The following TAFA5 variants were observed in gnomAD, a reference collection of about 807,000 sequenced individuals.
TAFA5 encodes the protein chemokine-like protein TAFA-5.
Under a neutral mutation model 15.3 loss-of-function variants are expected in TAFA5, and 6 were observed. The observed-to-expected ratio is 0.39, with a 90% confidence interval of 0.21 to 0.77. The LOEUF is 0.77. TAFA5 is among the 30% of genes least tolerant of loss of function. The pLI is 0.41. For missense variants in TAFA5, 161 were observed against 193.1 expected, an observed-to-expected ratio of 0.83 and a Z score of 0.98; for synonymous variants, 103 against 80.7, an observed-to-expected ratio of 1.28 and a Z score of -1.48.
At chr22:48,542,628 T>G (rs1601567246) in intron 1 of TAFA5, among the ~76,000 whole-genome samples, 1 of 73,486 alleles carries the variant, frequency 1.4e-5, no homozygotes, top group African/African-American at 6.1e-5. Flanking sequence ...GTGGTGTGTG[T>G]GGGTGTGTGA....
chr22:48,681,514 G>A (rs130100), intron 2 of TAFA5, among the ~76,000 whole-genome samples: 59,101 of 149,212 alleles, frequency 0.4, 13,017 homozygotes, highest in Non-Finnish European at 0.51. Flanking sequence ...AATTAGGCGT[G>A]GGGGTAGGTG....
chr22:48,692,991 T>C (rs547229521), intron 2 of TAFA5, among the ~76,000 whole-genome samples: 1 of 152,244 alleles, frequency 6.6e-6, no homozygotes, highest in South Asian at 2.1e-4. Context: ...GTGTAAGAAC[T>C]CCGCGAGCCC....
At chr22:48,505,078 G>C (rs1362578948) in intron 1 of TAFA5, among the ~76,000 whole-genome samples, 1 of 152,216 alleles carries the variant, frequency 6.6e-6, no homozygotes, top group African/African-American at 2.4e-5. Flanking sequence ...TCTCTCAGGA[G>C]GGACCTGCTG....
chr22:48,556,169 AGAG>A (rs1227142774), intron 1 of TAFA5, among the ~76,000 whole-genome samples: 3 of 152,184 alleles, frequency 2.0e-5, no homozygotes, highest in African/African-American at 7.2e-5. Context: ...CATCACAGGC[AGAG>A]GAGAAGAATT....
At chr22:48,638,313 C>A (rs1190871268) in intron 1 of TAFA5, among the ~76,000 whole-genome samples, 1 of 116,692 alleles carries the variant, frequency 8.6e-6, no homozygotes, top group Non-Finnish European at 1.8e-5. Flanking sequence ...AGGCAACAAC[C>A]CCCCCCACAC....
chr22:48,537,289 GCT>G (rs908265220), intron 1 of TAFA5, among the ~76,000 whole-genome samples: 14 of 152,204 alleles, frequency 9.2e-5, no homozygotes, highest in Non-Finnish European at 1.6e-4. Flanking sequence ...TGAGGTTCCC[GCT>G]CTGTTCTTGG....
intron 2 of TAFA5, among the ~76,000 whole-genome samples, chr22:48,678,195 G>A (rs1464029239): frequency 6.6e-6 from 1 of 152,162 alleles, no homozygotes; most frequent in Non-Finnish European, 1.5e-5. Context: ...TCTGCTGAGG[G>A]CTTCTGAGGC....
chr22:48,534,813 G>A (rs1922096690), intron 1 of TAFA5, among the ~76,000 whole-genome samples: 1 of 152,154 alleles, frequency 6.6e-6, no homozygotes. Context: ...CAGGGACACG[G>A]GGCTGGGAGC....
chr22:48,590,227 C>T (rs1924514541), intron 1 of TAFA5, among the ~76,000 whole-genome samples: 1 of 152,146 alleles, frequency 6.6e-6, no homozygotes, highest in African/African-American at 2.4e-5. Context: ...GCTGGTTTTC[C>T]CGAGGAGATC....
At chr22:48,625,213 C>G (rs1221281822) in intron 1 of TAFA5, among the ~76,000 whole-genome samples, 1 of 152,166 alleles carries the variant, frequency 6.6e-6, no homozygotes, top group Non-Finnish European at 1.5e-5. Context: ...TCTCAGCCTT[C>G]TTGGCCGACA....
chr22:48,586,075 C>CT (rs1924348761), intron 1 of TAFA5, among the ~76,000 whole-genome samples: 1 of 152,362 alleles, frequency 6.6e-6, no homozygotes, highest in Middle Eastern at 3.4e-3. Context: ...CACCCGGACC[C>CT]TGACCCTGGC....
At chr22:48,499,232 G>A (rs1439844252) in intron 1 of TAFA5, among the ~76,000 whole-genome samples, 5 of 152,144 alleles carry the variant, frequency 3.3e-5, no homozygotes, top group African/African-American at 1.2e-4. Flanking sequence ...CCGTGCTGCC[G>A]ATGGTGATGA....
At chr22:48,561,635 C>T (rs929971121) in intron 1 of TAFA5, among the ~76,000 whole-genome samples, 9 of 152,172 alleles carry the variant, frequency 5.9e-5, no homozygotes, top group Admixed American at 2.0e-4. Flanking sequence ...ACGGTGGCCA[C>T]GGCAACGCCT....
chr22:48,624,201 G>A (rs535578896), intron 1 of TAFA5, among the ~76,000 whole-genome samples: 4 of 152,262 alleles, frequency 2.6e-5, no homozygotes, highest in Admixed American at 6.5e-5. Flanking sequence ...GATTAGAATC[G>A]GGCTGTGGGT....
At chr22:48,684,614 C>T (rs1007910728) in intron 2 of TAFA5, among the ~76,000 whole-genome samples, 1 of 152,184 alleles carries the variant, frequency 6.6e-6, no homozygotes, top group Non-Finnish European at 1.5e-5. Flanking sequence ...TGGCCCCTTT[C>T]AGATTCTCCA....
chr22:48,692,233 C>CA (rs1216876898), intron 2 of TAFA5, among the ~76,000 whole-genome samples: 14 of 152,048 alleles, frequency 9.2e-5, no homozygotes, highest in African/African-American at 3.4e-4. Context: ...GTGAGACCCT[C>CA]AGAGTGCAGG....
At chr22:48,696,901 G>A (rs77857458) in intron 2 of TAFA5, among the ~76,000 whole-genome samples, 6,891 of 152,286 alleles carry the variant, frequency 0.045, 434 homozygotes, top group African/African-American at 0.14. Context: ...GGGAGCTCCC[G>A]TCTCAGGGAG....
intron 3 of TAFA5, among the ~76,000 whole-genome samples, chr22:48,749,082 G>T (rs1930408033): frequency 2.0e-5 from 3 of 152,204 alleles, no homozygotes; most frequent in Non-Finnish European, 4.4e-5. Flanking sequence ...GACAGGGTCT[G>T]TGTCGACATG....
At chr22:48,586,597 G>A (rs775090431) in intron 1 of TAFA5, among the ~76,000 whole-genome samples, 1 of 152,234 alleles carries the variant, frequency 6.6e-6, no homozygotes, top group Non-Finnish European at 1.5e-5. Context: ...ACAGGCACTG[G>A]CCACAGGACT....
Sources: allele counts gnomAD v4.1 joint callset (sites outside exome capture counted in the v4.1 genomes callset), GRCh38; gene constraint gnomAD v4.1.1; transcripts MANE v1.5; gene names NCBI Gene and HGNC (gene_info 2026-07-23, HGNC 2026-07-21).